Variants in KCNIP4 observed in about 807,000 individuals in gnomAD.
The protein encoded by KCNIP4 is Kv channel-interacting protein 4.
KCNIP4 carries 12 observed loss-of-function variants against 34.0 expected under a neutral mutation model. The ratio of observed to expected loss-of-function variants is 0.35; its 90% CI spans 0.23 to 0.57. KCNIP4 has a LOEUF of 0.57. Ranked by LOEUF, KCNIP4 falls within the 20% of genes least tolerant of loss-of-function variation. The pLI is 0.83. For synonymous variants in KCNIP4, 124 were observed against 102.2 expected, an observed-to-expected ratio of 1.21 and a Z score of -1.29; for missense variants, 238 against 311.7, an observed-to-expected ratio of 0.76 and a Z score of 1.78.
At chr4:21,297,270 G>T (rs1239949917) in intron 1 of KCNIP4, among the ~76,000 whole-genome samples, 1 of 151,988 alleles carries the variant, frequency 6.6e-6, no homozygotes, top group African/African-American at 2.4e-5. Context: ...TATCTGAACT[G>T]GCTACCAGAT....
rs75475011 is a variant in KCNIP4, at chr4:21,472,913, A to G, written c.61+475658T>C. On this transcript the variant is annotated intron_variant, in intron 1 of 8. Coordinates refer to ENST00000382152, the MANE Select transcript of KCNIP4 (RefSeq NM_025221.6). ...GTATAGTGCCTGGCTCATAGCTAGC[A>G]TTAGCCACTGGTGGTAGACTTCTAA... Among the ~76,000 whole-genome samples the G allele has an allele frequency of 0.01, 1,524 of 152,312 alleles. 66 individuals are homozygous for G. In the East Asian group the frequency reaches 0.12, roughly 12 times the overall value.
At chr4:21,377,479 T>G (rs1721061411) in intron 1 of KCNIP4, among the ~76,000 whole-genome samples, 1 of 152,194 alleles carries the variant, frequency 6.6e-6, no homozygotes, top group African/African-American at 2.4e-5. Context: ...ATCAACAAGG[T>G]TTAAATAATT....
rs1378373275 is a variant in KCNIP4, at chr4:20,729,362, T to C, written c.*720A>G. ...AATAGAAAACAGCCTGTAAGAAAGA[T>C]TGAACAAATCCAAAATTATTATATA... On this transcript the variant is annotated 3_prime_UTR_variant, in exon 9 of 9. Coordinates refer to ENST00000382152, the MANE Select transcript of KCNIP4 (RefSeq NM_025221.6). 1.3e-5 allele frequency: 2 copies of C among 151,562 alleles called. No individual in the cohort carries two copies. The highest frequency in any genetic ancestry group is 2.4e-5 in the African/African-American group (1 of 41,362). The allele number at this position is 151,562 out of a possible 1,614,324, so 9.4% of individuals were successfully genotyped here.
chr4:21,511,689 G>A (rs1734325396), intron 1 of KCNIP4, among the ~76,000 whole-genome samples: 1 of 151,996 alleles, frequency 6.6e-6, no homozygotes, highest in Admixed American at 6.5e-5. Context: ...GTTGGAGAAT[G>A]AGATTTCTGA....
chr4:21,075,368 A>C (rs567290021), intron 1 of KCNIP4, among the ~76,000 whole-genome samples: 1,648 of 152,220 alleles, frequency 0.011, 36 homozygotes, highest in African/African-American at 0.038. Flanking sequence ...CTTCTTGTTG[A>C]ATTGATCCCT....
intron 1 of KCNIP4, among the ~76,000 whole-genome samples, chr4:21,318,188 G>A (rs1048212798): frequency 6.6e-6 from 1 of 152,124 alleles, no homozygotes; most frequent in African/African-American, 2.4e-5. Flanking sequence ...TTTTAAAAAA[G>A]ACAGGTAAAA....
intron 1 of KCNIP4, among the ~76,000 whole-genome samples, chr4:21,026,081 G>T (rs1237695473): frequency 6.6e-6 from 1 of 152,108 alleles, no homozygotes; most frequent in Non-Finnish European, 1.5e-5. Flanking sequence ...GGACAAAGTT[G>T]CTGTGATAAC....
intron 1 of KCNIP4, among the ~76,000 whole-genome samples, chr4:21,431,987 A>G (rs930757672): frequency 1.3e-5 from 2 of 149,594 alleles, no homozygotes; most frequent in African/African-American, 4.9e-5. Context: ...AATGGAGTGC[A>G]AATATGACTA....
intron 5 of KCNIP4, among the ~76,000 whole-genome samples, chr4:20,746,608 G>A (rs1752480639): frequency 6.6e-6 from 1 of 152,062 alleles, no homozygotes; most frequent in Non-Finnish European, 1.5e-5. Context: ...ACAGAGCCAA[G>A]CCCTTTACTG....
At chr4:21,937,735 CTG>C (rs1729941617) in intron 1 of KCNIP4, among the ~76,000 whole-genome samples, 1 of 152,100 alleles carries the variant, frequency 6.6e-6, no homozygotes, top group Admixed American at 6.6e-5. Flanking sequence ...TGGCCAGAAA[CTG>C]AGAGTTGCTC....
At chr4:21,491,925 A>T (rs1732433075) in intron 1 of KCNIP4, among the ~76,000 whole-genome samples, 1 of 152,190 alleles carries the variant, frequency 6.6e-6, no homozygotes, top group African/African-American at 2.4e-5. Context: ...AATAAAGCTG[A>T]TGTATGTTGG....
At chr4:20,832,551 T>C (rs575818243) in intron 3 of KCNIP4, among the ~76,000 whole-genome samples, 2 of 152,188 alleles carry the variant, frequency 1.3e-5, no homozygotes, top group African/African-American at 4.8e-5. Flanking sequence ...GGTCATATTA[T>C]ATGCATGTCT....
chr4:21,299,528 T>A (rs1764039560), intron 1 of KCNIP4, among the ~76,000 whole-genome samples: 1 of 152,180 alleles, frequency 6.6e-6, no homozygotes, highest in Admixed American at 6.6e-5. Context: ...ATATAAAGTA[T>A]TTTTCTCTTT....
At chr4:20,796,998 C>T (rs917727612) in intron 3 of KCNIP4, among the ~76,000 whole-genome samples, 3 of 152,188 alleles carry the variant, frequency 2.0e-5, no homozygotes, top group African/African-American at 7.2e-5. Context: ...AAAACAGGCC[C>T]TCCGGCCCTA....
At chr4:21,105,209 T>C (rs1203588519) in intron 1 of KCNIP4, among the ~76,000 whole-genome samples, 2 of 151,698 alleles carry the variant, frequency 1.3e-5, no homozygotes, top group Non-Finnish European at 1.5e-5. Flanking sequence ...TTCATGATAT[T>C]GATTCTTCCT....
chr4:21,107,512 T>G (rs1748682872), intron 1 of KCNIP4, among the ~76,000 whole-genome samples: 1 of 150,832 alleles, frequency 6.6e-6, no homozygotes, highest in African/African-American at 2.5e-5. Flanking sequence ...TGAGATGGGT[T>G]TCCTGAATAC....
chr4:20,878,617 A>C (rs779109329), intron 2 of KCNIP4, among the ~76,000 whole-genome samples: 4 of 152,194 alleles, frequency 2.6e-5, no homozygotes, highest in Non-Finnish European at 5.9e-5. Flanking sequence ...CTAGAAAGTG[A>C]GTGTCTAGTA....
intron 1 of KCNIP4, among the ~76,000 whole-genome samples, chr4:21,244,709 C>T (rs913250978): frequency 2.0e-5 from 3 of 152,104 alleles, no homozygotes; most frequent in Admixed American, 1.3e-4. Flanking sequence ...GTTTCAGGTT[C>T]GTTGAAACAA....
intron 1 of KCNIP4, among the ~76,000 whole-genome samples, chr4:20,904,382 A>G (rs1727504902): frequency 6.7e-6 from 1 of 150,274 alleles, no homozygotes; most frequent in Non-Finnish European, 1.5e-5. Flanking sequence ...AAACCCTAGG[A>G]AAGTTATATG....
Sources: gnomAD v4.1 joint callset for allele counts (sites outside exome capture counted in the v4.1 genomes callset) on GRCh38, gnomAD v4.1.1 for gene constraint, MANE v1.5 for transcripts, NCBI Gene and HGNC (gene_info 2026-07-23, HGNC 2026-07-21) for gene names.